HGSNAT: variants seen among roughly 807,000 people sequenced by gnomAD.
HGSNAT encodes heparan-alpha-glucosaminide N-acetyltransferase.
HGSNAT carries 59 observed loss-of-function variants against 85.2 expected under a neutral mutation model. That is an observed-to-expected ratio of 0.69 (90% confidence interval 0.56 to 0.86). The LOEUF is 0.86. HGSNAT is among the 40% of genes least tolerant of loss of function. The probability of loss-of-function intolerance (pLI) is 0.00; values close to 1 mark genes in which losing one functional copy is unlikely to be tolerated. For synonymous variants in HGSNAT, 321 were observed against 304.5 expected (o/e 1.05, Z -0.56); for missense variants, 756 against 777.1 (o/e 0.97, Z 0.32).
At chr8:43,161,570 G>A (rs1803269880) in intron 5 of HGSNAT, 63 bp downstream of exon 5, 2 of 1,268,482 alleles carry the variant, frequency 1.6e-6, no homozygotes, top group Non-Finnish European at 2.2e-6. Context: ...ATTCAGAAGG[G>A]GCAGCTGTCA....
At chr8:43,146,848 G>C in intron 1 of HGSNAT, 100 bp from the exon 2 acceptor site, 1 of 658,914 alleles carries the variant, frequency 1.5e-6, no homozygotes. Context: ...CTTTTGAGAA[G>C]CACTACTGGA....
At chr8:43,148,156 C>T (rs139607093) in intron 2 of HGSNAT, among the ~76,000 whole-genome samples, 35 of 151,806 alleles carry the variant, frequency 2.3e-4, no homozygotes, top group Non-Finnish European at 4.7e-4. Context: ...GCAGGAGAAT[C>T]GCTTGAACCC....
In HGSNAT at chr8:43,197,659, T is replaced by TGAGA. The variant is rs751350137; in HGVS notation, c.1543-13_1543-12insGAGA. 1.9e-6 allele frequency: 3 copies of TGAGA among 1,594,492 alleles called. No homozygotes were observed. In the Admixed American group the frequency reaches 5.0e-5, roughly 27 times the overall value. Reference sequence around the variant, plus strand: ...AATATAAAATGTTAACATCCTTCTCTTCCCCATTACAGGGGCTCATTTCTG... The same window carrying TGAGA: ...AATATAAAATGTTAACATCCTTCTCTGAGATCCCCATTACAGGGGCTCATTTCTG... On this transcript the variant is annotated splice_polypyrimidine_tract_variant and intron_variant, in intron 15 of 17. Transcript: ENST00000379644.
intron 2 of HGSNAT, among the ~76,000 whole-genome samples, chr8:43,148,166 C>T (rs1350729378): frequency 2.6e-5 from 4 of 151,702 alleles, no homozygotes; most frequent in African/African-American, 9.7e-5. Flanking sequence ...CGCTTGAACC[C>T]AGGAGGTGGA....
chr8:43,156,585 A>G (rs886208591), intron 2 of HGSNAT, among the ~76,000 whole-genome samples: 19 of 152,240 alleles, frequency 1.2e-4, no homozygotes, highest in South Asian at 4.1e-4. Flanking sequence ...GTTTTATTCC[A>G]TTGTGGTCAG....
intron 4 of HGSNAT, among the ~76,000 whole-genome samples, chr8:43,160,681 A>G (rs190991531): frequency 1.3e-5 from 2 of 152,364 alleles, no homozygotes; most frequent in East Asian, 3.9e-4. Flanking sequence ...TGTTCTTAAC[A>G]TTGAACATAA....
At chr8:43,177,327 G>A (rs1345104736) in intron 9 of HGSNAT, among the ~76,000 whole-genome samples, 2 of 151,852 alleles carry the variant, frequency 1.3e-5, no homozygotes, top group Admixed American at 6.6e-5. Context: ...CGAGGCGGGC[G>A]GATCACAAGG....
chr8:43,170,210 G>A lies in HGSNAT; in HGVS notation c.634-375G>A, dbSNP rs113253828. 2.1e-4 allele frequency among the ~76,000 whole-genome samples: 32 copies of A among 152,238 alleles called. 1 individual carries two copies. Among genetic ancestry groups the A allele is most frequent in the Admixed American group, 1.6e-3 (25 of 15,282 alleles). Reference sequence around the variant, plus strand: ...GAAATAAAAAATTGATGCCGGTTGCGGTGACTCACGTCTGTAATCCCAGCA... The same window carrying A: ...GAAATAAAAAATTGATGCCGGTTGCAGTGACTCACGTCTGTAATCCCAGCA... On this transcript the variant is annotated intron_variant, in intron 6 of 17. Transcript: ENST00000379644.
intron 17 of HGSNAT, among the ~76,000 whole-genome samples, chr8:43,198,310 CAG>C (rs1320735562): frequency 8.9e-6 from 1 of 111,914 alleles, no homozygotes; most frequent in Non-Finnish European, 1.7e-5. Flanking sequence ...TTTTTTGAGA[CAG>C]AGTCTTGCTC....
chr8:43,167,348 T>C (rs1407581401), intron 5 of HGSNAT, among the ~76,000 whole-genome samples: 1 of 152,134 alleles, frequency 6.6e-6, no homozygotes, highest in Non-Finnish European at 1.5e-5. Flanking sequence ...GCAAACTGTA[T>C]TGTCTTGATT....
At chr8:43,147,223 G>A (rs1481483204) in intron 2 of HGSNAT, among the ~76,000 whole-genome samples, 160 bp downstream of exon 2, 1 of 152,156 alleles carries the variant, frequency 6.6e-6, no homozygotes, top group African/African-American at 2.4e-5. Flanking sequence ...GTCAGGGGAG[G>A]ATGCCTAGGA....
At chr8:43,161,605 T>C (rs1276507140) in intron 5 of HGSNAT, 98 bp downstream of exon 5, 3 of 820,802 alleles carry the variant, frequency 3.7e-6, no homozygotes, top group Non-Finnish European at 5.7e-6. Flanking sequence ...TATTCTTCGA[T>C]GATATGAACA....
At chr8:43,170,531 G>A in intron 6 of HGSNAT, 54 bp from the exon 7 acceptor site, 1 of 1,305,406 alleles carries the variant, frequency 7.7e-7, no homozygotes, top group Non-Finnish European at 1.1e-6. Flanking sequence ...ATGACAAAAT[G>A]AAATTTACCC....
chr8:43,182,059 C>A, intron 10 of HGSNAT, 86 bp from the exon 11 acceptor site: 1 of 1,001,778 alleles, frequency 1.0e-6, no homozygotes, highest in Admixed American at 1.7e-5. Context: ...ATAGGTATGT[C>A]TTCCCCTTTA....
chr8:43,151,724 A>G (rs1173550549), intron 2 of HGSNAT, among the ~76,000 whole-genome samples: 9 of 152,214 alleles, frequency 5.9e-5, no homozygotes, highest in African/African-American at 1.7e-4. Flanking sequence ...TTCCTATGAA[A>G]AAAATGCATG....
intron 11 of HGSNAT, among the ~76,000 whole-genome samples, chr8:43,189,174 C>G (rs1452868867): frequency 6.6e-6 from 1 of 152,194 alleles, no homozygotes; most frequent in Non-Finnish European, 1.5e-5. Context: ...CAGACAGGGA[C>G]GTTTAAGTTT....
chr8:43,148,221 AAC>A (rs1198483807), intron 2 of HGSNAT, among the ~76,000 whole-genome samples: 1 of 152,116 alleles, frequency 6.6e-6, no homozygotes, highest in Non-Finnish European at 1.5e-5. Flanking sequence ...CAGCCTGGGC[AAC>A]AAAAGCGAAA....
chr8:43,173,909 A>C (rs1803720166), intron 9 of HGSNAT, 166 bp downstream of exon 9: 10 of 670,352 alleles, frequency 1.5e-5, no homozygotes, highest in Non-Finnish European at 2.5e-5. Context: ...CAGTGCCTAC[A>C]CGTGTGTATA....
At chr8:43,147,707 A>G (rs1481604799) in intron 2 of HGSNAT, among the ~76,000 whole-genome samples, 2 of 152,174 alleles carry the variant, frequency 1.3e-5, no homozygotes, top group East Asian at 3.9e-4. Flanking sequence ...TTGGGTACTT[A>G]TGAACATAAA....
Sources: allele counts gnomAD v4.1 joint callset (sites outside exome capture counted in the v4.1 genomes callset), GRCh38; gene constraint gnomAD v4.1.1; transcripts MANE v1.5; gene names NCBI Gene and HGNC (gene_info 2026-07-23, HGNC 2026-07-21).